CCNB3: variants seen among roughly 807,000 people sequenced by gnomAD.
CCNB3 encodes the protein G2/mitotic-specific cyclin-B3.
Under a neutral mutation model 68.0 loss-of-function variants are expected in CCNB3, and 12 were observed. That is an observed-to-expected ratio of 0.18 (90% CI 0.11 to 0.29). CCNB3 has a LOEUF of 0.29. CCNB3 is among the 10% of genes least tolerant of loss of function. The pLI is 1.00. For synonymous variants in CCNB3, 354 were observed against 388.9 expected, an observed-to-expected ratio of 0.91 and a Z score of 1.06; for missense variants, 904 against 993.1, an observed-to-expected ratio of 0.91 and a Z score of 1.21.
At chrX:50,326,553 A>G (rs181935219) in intron 8 of CCNB3, among the ~76,000 whole-genome samples, 39 of 110,953 alleles carry the variant, frequency 3.5e-4, no homozygotes, top group Admixed American at 1.1e-3. Context: ...TTCTGGGAGA[A>G]TTTCTTAAGA....
At chrX:50,300,340 A>G (rs2147046430) in intron 5 of CCNB3, among the ~76,000 whole-genome samples, 1 of 111,055 alleles carries the variant, frequency 9.0e-6, no homozygotes, top group Non-Finnish European at 1.9e-5. Context: ...TGGTGACAAA[A>G]TCTCTCAGCA....
intron 1 of CCNB3, among the ~76,000 whole-genome samples, chrX:50,206,397 C>T: frequency 9.1e-6 from 1 of 109,805 alleles, no homozygotes; most frequent in East Asian, 2.8e-4. Context: ...CATAGCAAAA[C>T]TTCCGTCTCT....
intron 7 of CCNB3, 151 bp downstream of exon 7, chrX:50,312,783 A>G: frequency 2.3e-6 from 1 of 438,528 alleles, no homozygotes; most frequent in South Asian, 3.8e-5. Context: ...TGTGAGTTGG[A>G]CATTGTACTA....
intron 6 of CCNB3, 34 bp from the exon 7 acceptor site, chrX:50,312,503 C>A: frequency 9.4e-7 from 1 of 1,064,920 alleles, no homozygotes. Flanking sequence ...TGGAATAATT[C>A]TCATAATATG....
intron 1 of CCNB3, among the ~76,000 whole-genome samples, chrX:50,283,816 T>A (rs1936185078): frequency 9.0e-6 from 1 of 110,981 alleles, no homozygotes; most frequent in East Asian, 2.8e-4. Context: ...ACTTCCTTTG[T>A]GAAGCCTTCC....
intron 9 of CCNB3, 94 bp downstream of exon 9, chrX:50,342,433 T>G: frequency 1.2e-6 from 1 of 862,285 alleles, no homozygotes; most frequent in Non-Finnish European, 1.6e-6. Flanking sequence ...TGTTATGTGC[T>G]GCATAACAAT....
chrX:50,216,853 CTGTGTGTGTG>C (rs1225678352), intron 1 of CCNB3, among the ~76,000 whole-genome samples: 2 of 107,222 alleles, frequency 1.9e-5, no homozygotes, highest in African/African-American at 3.4e-5. Flanking sequence ...GGGTATTACT[CTGTGTGTGTG>C]TGTGTGTGTG....
intron 8 of CCNB3, among the ~76,000 whole-genome samples, chrX:50,319,366 T>G (rs868980684): frequency 8.9e-6 from 1 of 111,933 alleles, no homozygotes; most frequent in Non-Finnish European, 1.9e-5. Flanking sequence ...ATAAAAAATA[T>G]TTTCTTCTCT....
At chrX:50,327,888 A>G (rs1478780911) in intron 8 of CCNB3, among the ~76,000 whole-genome samples, 4 of 111,468 alleles carry the variant, frequency 3.6e-5, no homozygotes, top group African/African-American at 9.8e-5. Context: ...AAGATATGCA[A>G]TTATCCTCGA....
chrX:50,304,333 A>G (rs542445992), intron 5 of CCNB3, among the ~76,000 whole-genome samples: 31 of 111,718 alleles, frequency 2.8e-4, no homozygotes, highest in South Asian at 1.1e-3. Flanking sequence ...GCAATTCTAT[A>G]TAAATTTTAG....
intron 8 of CCNB3, among the ~76,000 whole-genome samples, chrX:50,341,201 A>G (rs1026767682): frequency 5.5e-5 from 6 of 109,306 alleles, no homozygotes; most frequent in Non-Finnish European, 9.5e-5. Flanking sequence ...GTGGTGGCGG[A>G]TGCCTGTAGT....
At position 50,310,512 on chromosome X, in the gene CCNB3, G is replaced by A. The variant is rs1557214587; in HGVS notation, c.2343G>A (p.Gln781=). The change falls in exon 6 of 13, where the codon CAG becomes CAA. Residue 781 remains glutamine, a synonymous_variant. Coordinates refer to ENST00000376042, the MANE Select transcript of CCNB3 (RefSeq NM_033031.3). ...ATGAAGAGGAGTTCCTTAATAAGCA[G>A]CCACTGGCCTTGGAGGGGTATCCCA... ...TINEEEFLNK[Q]PLALEGYPSI... is the part of the protein sequence containing the mutation. The A allele has an allele frequency of 1.2e-5, 14 of 1,210,565 alleles. No homozygotes were observed. The highest frequency in any genetic ancestry group is 1.6e-5 in the Non-Finnish European group (14 of 894,840).
At position 50,308,451 on chromosome X, in the gene CCNB3, G is replaced by T. The variant is rs1557213848; in HGVS notation, c.336-54G>T. On this transcript the variant is annotated intron_variant, in intron 5 of 12. Transcript: ENST00000376042. ...AATATAGCAACAAAAGGAAATGGTAGGTGAGGATTCTAGGAACTACATTTT... is the reference window on the plus strand; with the variant it reads ...AATATAGCAACAAAAGGAAATGGTATGTGAGGATTCTAGGAACTACATTTT... 7.5e-6 allele frequency: 6 copies of T among 804,213 alleles called. No individual in the cohort carries two copies. In the East Asian group the frequency reaches 1.4e-4, roughly 18 times the overall value. 66.3% of individuals were successfully genotyped at this position (804,213 alleles called of 1,213,427 possible).
rs185079254 is a variant in CCNB3, at chrX:50,293,157, A to G, written c.205-1706A>G. ...CTTCTAGATTTTCTAGTTTATGTGC[A>G]TAGAGGTGTTTATAGTATTCTCTGA... On this transcript the variant is annotated intron_variant, in intron 4 of 12. Coordinates refer to ENST00000376042, the MANE Select transcript of CCNB3 (RefSeq NM_033031.3). 4.1e-3 allele frequency among the ~76,000 whole-genome samples: 464 copies of G among 111,916 alleles called. 1 individual carries two copies. The highest frequency in any genetic ancestry group is 0.014 in the African/African-American group (430 of 30,827).
chrX:50,301,618 A>G (rs1936638582), intron 5 of CCNB3, among the ~76,000 whole-genome samples: 1 of 112,380 alleles, frequency 8.9e-6, no homozygotes, highest in South Asian at 3.7e-4. Context: ...CCGTTCTCAG[A>G]TCTCAAGCTG....
At chrX:50,279,914 AAT>A (rs1936081105) in intron 1 of CCNB3, among the ~76,000 whole-genome samples, 1 of 87,151 alleles carries the variant, frequency 1.1e-5, no homozygotes. Context: ...TATATATAAA[AAT>A]ATATATAGAA....
chrX:50,282,808 G>C (rs1335510988), intron 1 of CCNB3, among the ~76,000 whole-genome samples: 1 of 111,267 alleles, frequency 9.0e-6, no homozygotes, highest in Non-Finnish European at 1.9e-5. Context: ...TATCAGCTGA[G>C]AGTTTTCTAG....
intron 5 of CCNB3, among the ~76,000 whole-genome samples, chrX:50,305,679 A>G (rs1921020204): frequency 9.1e-6 from 1 of 110,225 alleles, no homozygotes; most frequent in South Asian, 3.9e-4. Flanking sequence ...CAGCTTGTCA[A>G]TTTCTACAAA....
At chrX:50,226,953 A>G (rs1935853643) in intron 1 of CCNB3, among the ~76,000 whole-genome samples, 1 of 77,024 alleles carries the variant, frequency 1.3e-5, no homozygotes, top group African/African-American at 5.4e-5. Flanking sequence ...TAGAATATAT[A>G]TAGTATATAT....
Sources: gnomAD v4.1 joint callset for allele counts (sites outside exome capture counted in the v4.1 genomes callset) on GRCh38, gnomAD v4.1.1 for gene constraint, MANE v1.5 for transcripts, NCBI Gene and HGNC (gene_info 2026-07-23, HGNC 2026-07-21) for gene names.